DGKH: variants seen among roughly 807,000 people sequenced by gnomAD.
DGKH encodes diacylglycerol kinase eta.
DGKH carries 90 observed loss-of-function variants against 159.3 expected under a neutral mutation model. That is an observed-to-expected ratio of 0.57 (90% CI 0.48 to 0.67). The LOEUF is 0.67. Among genes scored for constraint, DGKH ranks in the 30% least tolerant of loss-of-function variants. The pLI is 0.00. For missense variants in DGKH, 1,181 were observed against 1,506.1 expected (o/e 0.78, Z 3.57); for synonymous variants, 536 against 553.8 (o/e 0.97, Z 0.45).
intron 29 of DGKH, among the ~76,000 whole-genome samples, chr13:42,228,057 C>T (rs1439349734): frequency 6.6e-6 from 1 of 152,068 alleles, no homozygotes; most frequent in Non-Finnish European, 1.5e-5. Context: ...ATGCCTTTTA[C>T]TTAAAGAAAC....
intron 1 of DGKH, among the ~76,000 whole-genome samples, chr13:42,063,019 G>T (rs1405290565): frequency 1.3e-5 from 2 of 151,974 alleles, no homozygotes; most frequent in Non-Finnish European, 2.9e-5. Context: ...TCTACATTCA[G>T]GTTTAAAAAA....
chr13:42,117,577 G>T (rs9594675), intron 1 of DGKH, among the ~76,000 whole-genome samples: 18,642 of 151,962 alleles, frequency 0.12, 1,523 homozygotes, highest in Admixed American at 0.22. Flanking sequence ...TTTTCTTCAA[G>T]AATTTAAAAT....
upstream of DGKH, among the ~76,000 whole-genome samples, chr13:42,045,847 C>A (rs1219299566): frequency 6.6e-6 from 1 of 152,086 alleles, no homozygotes; most frequent in East Asian, 1.9e-4. Flanking sequence ...GGTATAAAAC[C>A]CCTTTTGTTA....
intron 3 of DGKH, among the ~76,000 whole-genome samples, chr13:42,137,337 C>T (rs1397411114): frequency 6.6e-6 from 1 of 152,186 alleles, no homozygotes; most frequent in Non-Finnish European, 1.5e-5. Flanking sequence ...TTTGTTGTAA[C>T]TGTTATATTT....
At chr13:42,245,309 A>AT (rs200123785), downstream of DGKH, among the ~76,000 whole-genome samples, 88 of 152,212 alleles carry the variant, frequency 5.8e-4, 1 homozygote, top group East Asian at 0.015. Flanking sequence ...GAGGGAAAGG[A>AT]TTTTTTTCAT....
At chr13:42,180,090 A>G (rs1313092859) in intron 13 of DGKH, among the ~76,000 whole-genome samples, 1 of 152,230 alleles carries the variant, frequency 6.6e-6, no homozygotes. Flanking sequence ...ATGACTTGCT[A>G]TACCTTAAAA....
At chr13:42,059,619 T>C (rs1235832780) in intron 1 of DGKH, among the ~76,000 whole-genome samples, 1 of 152,182 alleles carries the variant, frequency 6.6e-6, no homozygotes, top group African/African-American at 2.4e-5. Context: ...TGGAAATAAT[T>C]GGCCAGGTTG....
At chr13:42,211,918 T>G (rs2138208618) in intron 24 of DGKH, among the ~76,000 whole-genome samples, 1 of 152,248 alleles carries the variant, frequency 6.6e-6, no homozygotes, top group East Asian at 1.9e-4. Flanking sequence ...ACCCCCATGA[T>G]TCAGTTACCT....
At chr13:42,188,863 T>A (rs559426387) in intron 14 of DGKH, among the ~76,000 whole-genome samples, 173 bp from the exon 15 acceptor site, 1 of 152,352 alleles carries the variant, frequency 6.6e-6, no homozygotes, top group East Asian at 1.9e-4. Context: ...ATGGAGATTT[T>A]AAAATTAGCT....
intron 3 of DGKH, chr13:42,138,256 A>G (rs575938886): frequency 3.9e-6 from 1 of 255,740 alleles, no homozygotes; most frequent in East Asian, 1.8e-4. Context: ...ACTGCTGGGC[A>G]CTATGCTAGA....
intron 1 of DGKH, among the ~76,000 whole-genome samples, 173 bp downstream of exon 1, chr13:42,049,138 T>C (rs1482739622): frequency 4.5e-5 from 2 of 44,904 alleles, no homozygotes; most frequent in Non-Finnish European, 8.7e-5. Context: ...AAGGCGGGGA[T>C]GGTGAGACGG....
intron 1 of DGKH, among the ~76,000 whole-genome samples, chr13:42,077,270 GT>G (rs1954118234): frequency 1.1e-5 from 1 of 91,134 alleles, no homozygotes; most frequent in Non-Finnish European, 2.7e-5. Context: ...ATAACAGTAT[GT>G]TTTCCTGATG....
intron 1 of DGKH, among the ~76,000 whole-genome samples, chr13:42,073,327 T>G (rs942767255): frequency 1.3e-5 from 2 of 152,224 alleles, no homozygotes; most frequent in Non-Finnish European, 2.9e-5. Flanking sequence ...AATGCAGTCC[T>G]TTCTTATAGT....
At chr13:42,082,871 A>G (rs772694108) in intron 1 of DGKH, among the ~76,000 whole-genome samples, 38 of 152,180 alleles carry the variant, frequency 2.5e-4, no homozygotes, top group Non-Finnish European at 3.1e-4. Flanking sequence ...GTTTTGTTTA[A>G]GTATCCCTGG....
intron 3 of DGKH, among the ~76,000 whole-genome samples, chr13:42,148,009 T>C (rs2137917604): frequency 6.6e-6 from 1 of 152,336 alleles, no homozygotes; most frequent in South Asian, 2.1e-4. Flanking sequence ...CCCTCAATAT[T>C]GTTCTTAAGG....
intron 14 of DGKH, among the ~76,000 whole-genome samples, chr13:42,187,699 A>G (rs1237614364): frequency 2.6e-5 from 4 of 152,182 alleles, no homozygotes; most frequent in African/African-American, 9.7e-5. Flanking sequence ...GGGGAGATGC[A>G]TAGCAGTCAG....
At position 42,048,959 on chromosome 13, in the gene DGKH, G is replaced by T. The variant is rs775960772; in HGVS notation, c.186G>T (p.Arg62=). 1 of 1,297,972 alleles carries T rather than the reference G, an allele frequency of 7.7e-7. No homozygotes were observed. The highest frequency in any genetic ancestry group is 9.8e-7 in the Non-Finnish European group (1 of 1,015,312). 80.4% of individuals were successfully genotyped at this position (1,297,972 alleles called of 1,614,324 possible). The change falls in exon 1 of 30, where the codon CGG becomes CGT. Residue 62 remains arginine (R), a synonymous_variant. Transcript: ENST00000337343. This position sits in a 1 kb window ranked among gnomAD's most constrained non-coding sequence, Gnocchi z 6.7. ...IRKVSTSGQI[R]TKTSIKEGQL... ...AAGTGTCTACCTCGGGGCAGATCCG[G>T]ACCAAGGTAGGGCGGAGGAGGCGGG...
chr13:42,104,164 A>G (rs750389788), intron 1 of DGKH, among the ~76,000 whole-genome samples: 2 of 152,170 alleles, frequency 1.3e-5, no homozygotes, highest in African/African-American at 4.8e-5. Flanking sequence ...GAACAAAGAC[A>G]TTTCTCTCTT....
chr13:42,078,361 T>C (rs1406761521), intron 1 of DGKH, among the ~76,000 whole-genome samples: 5 of 152,200 alleles, frequency 3.3e-5, no homozygotes, highest in African/African-American at 1.2e-4. Context: ...GCCACTGCCA[T>C]AGCTGTCTCA....
Sources: gnomAD v4.1 joint callset for allele counts (sites outside exome capture counted in the v4.1 genomes callset) on GRCh38, gnomAD v4.1.1 for gene constraint, Gnocchi (gnomAD v3.1) non-coding constraint, MANE v1.5 for transcripts, NCBI Gene and HGNC (gene_info 2026-07-23, HGNC 2026-07-21) for gene names.